The following TMEM45A variants were observed in gnomAD, a reference collection of about 807,000 sequenced individuals.
TMEM45A encodes the protein DNA polymerase-transactivated protein 4.
In TMEM45A, 25 loss-of-function variants were observed where a neutral mutation model predicts 32.0. The ratio of observed to expected loss-of-function variants is 0.78; its 90% CI spans 0.57 to 1.09. TMEM45A has a LOEUF of 1.09. Ranked by LOEUF, TMEM45A falls within the 50% of genes least tolerant of loss-of-function variation. The pLI is 0.00. For synonymous variants in TMEM45A, 122 were observed against 114.8 expected (o/e 1.06, Z -0.40); for missense variants, 302 against 325.0 (o/e 0.93, Z 0.54).
intron 1 of TMEM45A, among the ~76,000 whole-genome samples, chr3:100,512,384 T>A (rs1327576521): frequency 6.6e-6 from 1 of 152,114 alleles, no homozygotes; most frequent in African/African-American, 2.4e-5. Flanking sequence ...ACTGGGTACA[T>A]AACGAAATGA....
intron 1 of TMEM45A, among the ~76,000 whole-genome samples, chr3:100,501,675 A>C (rs1298080865): frequency 3.9e-5 from 6 of 152,228 alleles, no homozygotes; most frequent in Non-Finnish European, 7.3e-5. Flanking sequence ...AATCTTTCTC[A>C]CCAATATTTG....
At chr3:100,524,969 C>T (rs1483317754) in intron 1 of TMEM45A, among the ~76,000 whole-genome samples, 2 of 152,072 alleles carry the variant, frequency 1.3e-5, no homozygotes, top group African/African-American at 2.4e-5. Context: ...GCAGGAGGAT[C>T]GCTGTGGCCA....
chr3:100,497,295 G>A lies in TMEM45A; in HGVS notation c.-4+4367G>A, dbSNP rs550395496. Among the ~76,000 whole-genome samples the A allele has an allele frequency of 2.6e-5, 4 of 152,212 alleles. No individual in the cohort carries two copies. In the South Asian group the frequency reaches 8.3e-4, roughly 32 times the overall value. ...AGCTTTTATTATCTGTAAAATGGGG[G>A]TACTCATATGCATTACATGAGAAAA... On this transcript the variant is annotated intron_variant, in intron 1 of 5. Transcript: ENST00000323523.
At chr3:100,503,784 G>A (rs889495018) in intron 1 of TMEM45A, among the ~76,000 whole-genome samples, 4 of 152,096 alleles carry the variant, frequency 2.6e-5, no homozygotes, top group South Asian at 2.1e-4. Context: ...ACAACTTGTC[G>A]GGAAGAGGCT....
In TMEM45A at chr3:100,525,141, CTG is replaced by C. The variant is rs1000383149; in HGVS notation, c.-3-30067_-3-30066del. Reference sequence around the variant, plus strand: ...AGTTTGAGACTGCAGTGAGCTATGACTGAGCCACTGCACTCCAACCTGGGCAA... The same window carrying C: ...AGTTTGAGACTGCAGTGAGCTATGACAGCCACTGCACTCCAACCTGGGCAA... On this transcript the variant is annotated intron_variant, in intron 1 of 5. Transcript: ENST00000323523. 2.0e-4 allele frequency among the ~76,000 whole-genome samples: 30 copies of C among 151,778 alleles called. 1 individual carries two copies. Among genetic ancestry groups the C allele is most frequent in the Admixed American group, 1.1e-3 (17 of 15,240 alleles).
intron 1 of TMEM45A, among the ~76,000 whole-genome samples, chr3:100,551,485 T>G (rs966663864): frequency 9.2e-5 from 14 of 152,176 alleles, no homozygotes; most frequent in African/African-American, 3.4e-4. Flanking sequence ...GAATGTCTGC[T>G]TTTGTGTTTA....
At chr3:100,538,021 T>C (rs1214700733) in intron 1 of TMEM45A, among the ~76,000 whole-genome samples, 1 of 152,202 alleles carries the variant, frequency 6.6e-6, no homozygotes, top group East Asian at 1.9e-4. Context: ...GTTCTGCATC[T>C]TTCCTGGGAC....
At chr3:100,515,293 C>T (rs957009840) in intron 1 of TMEM45A, among the ~76,000 whole-genome samples, 28 of 151,810 alleles carry the variant, frequency 1.8e-4, no homozygotes, top group Admixed American at 3.3e-4. Flanking sequence ...GAATACTATG[C>T]AGCCATAAAA....
At chr3:100,504,397 A>G (rs951024392) in intron 1 of TMEM45A, among the ~76,000 whole-genome samples, 5 of 152,292 alleles carry the variant, frequency 3.3e-5, no homozygotes, top group Admixed American at 6.5e-5. Context: ...GTGTGGTTGA[A>G]ATAGCACTGC....
intron 1 of TMEM45A, among the ~76,000 whole-genome samples, chr3:100,538,911 A>G (rs1422837148): frequency 6.6e-6 from 1 of 152,112 alleles, no homozygotes; most frequent in Non-Finnish European, 1.5e-5. Flanking sequence ...TATAAGATCT[A>G]TATGAGGAAA....
At chr3:100,520,170 T>A (rs1238922855) in intron 1 of TMEM45A, among the ~76,000 whole-genome samples, 1 of 152,114 alleles carries the variant, frequency 6.6e-6, no homozygotes, top group Non-Finnish European at 1.5e-5. Flanking sequence ...AAAGGGAATG[T>A]GTTACAGGGT....
At chr3:100,515,264 G>A (rs1708241491) in intron 1 of TMEM45A, among the ~76,000 whole-genome samples, 1 of 152,112 alleles carries the variant, frequency 6.6e-6, no homozygotes, top group East Asian at 1.9e-4. Context: ...TTAAGAAAAT[G>A]TGGCACATAT....
chr3:100,564,728 C>T (rs185260847), intron 4 of TMEM45A, among the ~76,000 whole-genome samples: 244 of 152,318 alleles, frequency 1.6e-3, no homozygotes, highest in African/African-American at 5.3e-3. Flanking sequence ...AGCTGATCCA[C>T]CTGCCTTGGC....
rs538406208 is a variant in TMEM45A at position 100,549,453 on chromosome 3, A to G, written c.-3-5756A>G. Among the ~76,000 whole-genome samples the G allele has an allele frequency of 8.5e-5, 13 of 152,250 alleles. No individual in the cohort carries two copies. In the South Asian group the frequency reaches 2.7e-3, roughly 32 times the overall value. ...ATCCTTCACTGGCCTTGGTTCTCAG[A>G]GCAGGTGGCACATGACTGAGGCTAG... is the stretch of plus-strand genomic sequence containing the variant. On this transcript the variant is annotated intron_variant, in intron 1 of 5. Coordinates refer to ENST00000323523, the MANE Select transcript of TMEM45A (RefSeq NM_018004.3).
At chr3:100,505,813 A>G (rs1042048770) in intron 1 of TMEM45A, among the ~76,000 whole-genome samples, 1 of 152,226 alleles carries the variant, frequency 6.6e-6, no homozygotes, top group Non-Finnish European at 1.5e-5. Flanking sequence ...AAAAAGGCGT[A>G]CACTCGGACT....
chr3:100,575,362 T>TG (rs1179296953), intron 5 of TMEM45A, among the ~76,000 whole-genome samples: 1 of 126,666 alleles, frequency 7.9e-6, no homozygotes, highest in Non-Finnish European at 1.7e-5. Context: ...CTATGGATTC[T>TG]CTTTTTTTTT....
rs1401108000 is a variant in TMEM45A, at chr3:100,499,869, A to G, written c.-4+6941A>G. ...CCAGCCTGGGCAACAGAACAAGACA[A>G]ACAAACCAACCAACCCCTACACTTT... On this transcript the variant is annotated intron_variant, in intron 1 of 5. Transcript: ENST00000323523. Among the ~76,000 whole-genome samples, 4 of 152,246 alleles carry G rather than the reference A, an allele frequency of 2.6e-5. No individual in the cohort carries two copies. The East Asian group carries it at 5.8e-4, about 22-fold the overall frequency.
At position 100,572,321 on chromosome 3, in the gene TMEM45A, G is replaced by A. The variant is rs1201983798; in HGVS notation, c.734+3354G>A. 443 of 151,992 alleles carry A rather than the reference G, an allele frequency of 2.9e-3. 2 individuals carry two copies. The Middle Eastern group carries it at 0.034, about 12-fold the overall frequency. 9.4% of individuals were successfully genotyped at this position (151,992 alleles called of 1,614,324 possible). A position where few individuals can be genotyped will look rare whatever the true frequency, so the allele number is the denominator to read the frequency against. On this transcript the variant is annotated intron_variant, in intron 5 of 5. Transcript: ENST00000323523. ...CTGGTGTGAGATGGTATCTCATTGTGGTTTTGATTTGCATTTCTCTGATGG... is the reference window on the plus strand; with the variant it reads ...CTGGTGTGAGATGGTATCTCATTGTAGTTTTGATTTGCATTTCTCTGATGG...
intron 1 of TMEM45A, among the ~76,000 whole-genome samples, chr3:100,550,549 C>T (rs1384320014): frequency 6.6e-6 from 1 of 152,210 alleles, no homozygotes; most frequent in Non-Finnish European, 1.5e-5. Context: ...AGTTTTTTCT[C>T]ATAATGGTAT....
Sources: allele counts gnomAD v4.1 joint callset (sites outside exome capture counted in the v4.1 genomes callset), GRCh38; gene constraint gnomAD v4.1.1; transcripts MANE v1.5; gene names NCBI Gene and HGNC (gene_info 2026-07-23, HGNC 2026-07-21).